MYBL1: variants seen among roughly 807,000 people sequenced by gnomAD.
The protein encoded by MYBL1 is myb-related protein A.
In MYBL1, 17 loss-of-function variants were observed where a neutral mutation model predicts 96.3. The ratio of observed to expected loss-of-function variants is 0.18; its 90% CI spans 0.12 to 0.26. The LOEUF (loss-of-function observed/expected upper bound fraction) is 0.26. Among genes scored for constraint, MYBL1 ranks in the 10% least tolerant of loss-of-function variants. The pLI, the probability that MYBL1 is intolerant of heterozygous loss-of-function variation, is 1.00. For missense variants in MYBL1, 701 were observed against 882.9 expected (o/e 0.79, Z 2.61); for synonymous variants, 282 against 292.7 (o/e 0.96, Z 0.37).
chr8:66,583,904 C>A (rs1478283598), intron 8 of MYBL1, among the ~76,000 whole-genome samples: 1 of 152,160 alleles, frequency 6.6e-6, no homozygotes, highest in Non-Finnish European at 1.5e-5. Context: ...ACTATCAATT[C>A]TTTTCCAATT....
chr8:66,592,415 T>A, intron 8 of MYBL1, 25 bp downstream of exon 8: 1 of 1,436,998 alleles, frequency 7.0e-7, no homozygotes, highest in Non-Finnish European at 9.6e-7. Context: ...ATTCTAACAA[T>A]ACAAATAACA....
At position 66,597,559 on chromosome 8, in the gene MYBL1, C is replaced by G; in HGVS notation, c.292-9G>C. The G allele has an allele frequency of 1.3e-6, 2 of 1,539,238 alleles. No individual in the cohort carries two copies. Among genetic ancestry groups the G allele is most frequent in the Non-Finnish European group, 1.8e-6 (2 of 1,129,558 alleles). ...TGAACTAATTCAATAACCTAGGAAA[C>G]AGAAAAACAAAGTTTAAAAAAGCAT... On this transcript the variant is annotated splice_polypyrimidine_tract_variant and intron_variant, in intron 4 of 15. Coordinates refer to ENST00000522677, the MANE Select transcript of MYBL1 (RefSeq NM_001080416.4).
At position 66,564,734 on chromosome 8, in the gene MYBL1, G is replaced by A. The variant is rs370740841; in HGVS notation, c.2222C>T (p.Thr741Ile). ...EQARRYLSTY[T>I]ATSSTSRALI... ...AGCTCTTGAAGTACTACTGGTAGCT[G>A]TGTAAGTACTCAGATATCTTCTTGC... Residue 741 changes from threonine (T) to isoleucine (I), a missense_variant, in exon 16 of 16, where the codon ACA becomes ATA. Thr to Ile is a moderately conservative substitution (Grantham distance 89). This residue lies in a region of MYBL1 where 137 missense variants were observed against 137.5 expected (regional missense o/e 1.00). Transcript: ENST00000522677. The A allele has an allele frequency of 2.8e-5, 45 of 1,584,522 alleles. No homozygotes were observed. In the African/African-American group the frequency reaches 4.0e-4, roughly 14 times the overall value.
chr8:66,597,240 A>G, intron 5 of MYBL1, 90 bp downstream of exon 5: 1 of 911,682 alleles, frequency 1.1e-6, no homozygotes, highest in Non-Finnish European at 1.6e-6. Context: ...TTAAAAAATA[A>G]GTCATCGGGG....
rs1808945658 is a variant in MYBL1, at chr8:66,576,324, C to A, written c.1153G>T (p.Ala385Ser). 1 of 1,613,718 alleles carries A rather than the reference C, an allele frequency of 6.2e-7. No individual in the cohort carries two copies. The highest frequency in any genetic ancestry group is 8.5e-7 in the Non-Finnish European group (1 of 1,179,762). The change falls in exon 10 of 16, where the codon GCT (alanine) becomes TCT (serine). Residue 385 changes from alanine (A) to serine (S), a missense_variant. Around this residue, in one of 5 missense-constraint regions of MYBL1, gnomAD observed 396 missense variants for 407.4 expected, o/e 0.97. Coordinates refer to ENST00000522677, the MANE Select transcript of MYBL1 (RefSeq NM_001080416.4). ...VTSFDISDAA[A>S]SPIKSTPVKL... is the part of the protein sequence containing the mutation. Reference sequence around the variant, plus strand: ...ACTGGGGTGGATTTGATAGGAGAAGCAGCAGCATCAGAAATATCAAAACTG... The same window carrying A: ...ACTGGGGTGGATTTGATAGGAGAAGAAGCAGCATCAGAAATATCAAAACTG...
intron 2 of MYBL1, among the ~76,000 whole-genome samples, chr8:66,602,071 T>G (rs1810095403): frequency 6.6e-6 from 1 of 152,000 alleles, no homozygotes; most frequent in Non-Finnish European, 1.5e-5. Flanking sequence ...GTTTTTGAGA[T>G]GGAGTCTCGC....
At chr8:66,580,425 A>G in intron 8 of MYBL1, 59 bp from the exon 9 acceptor site, 2 of 1,142,190 alleles carry the variant, frequency 1.8e-6, no homozygotes, top group Non-Finnish European at 2.5e-6. Context: ...GCATAAATTC[A>G]GATTTCAACA....
At chr8:66,575,772 AAAGT>A (rs1478473579) in intron 10 of MYBL1, among the ~76,000 whole-genome samples, 1 of 152,194 alleles carries the variant, frequency 6.6e-6, no homozygotes, top group Non-Finnish European at 1.5e-5. Flanking sequence ...CCTCGGCAAC[AAAGT>A]GAGTCCCTGT....
At chr8:66,588,892 T>C (rs965907935) in intron 8 of MYBL1, among the ~76,000 whole-genome samples, 5 of 152,190 alleles carry the variant, frequency 3.3e-5, no homozygotes, top group Non-Finnish European at 7.4e-5. Flanking sequence ...TGGTGGCACA[T>C]GCCTGTAATC....
At position 66,573,460 on chromosome 8, in the gene MYBL1, G is replaced by T; in HGVS notation, c.1517C>A (p.Pro506His). 3.1e-6 allele frequency: 5 copies of T among 1,611,272 alleles called. No individual in the cohort carries two copies. Among genetic ancestry groups the T allele is most frequent in the Non-Finnish European group, 4.2e-6 (5 of 1,178,682 alleles). ...ACAAATAGGGGTTGATGTAAATGAA[G>T]GATTTTCTATATTAAGTTGTTCATT... ...PGNEQLNIEN[P>H]SFTSTPICGQ... The change falls in exon 11 of 16, where the codon CCT (proline) becomes CAT (histidine). Residue 506 changes from proline to histidine, a missense_variant. This residue lies in a region of MYBL1 where 396 missense variants were observed against 407.4 expected (regional missense o/e 0.97). Coordinates refer to ENST00000522677, the MANE Select transcript of MYBL1 (RefSeq NM_001080416.4).
At chr8:66,591,948 G>C (rs752202952) in intron 8 of MYBL1, among the ~76,000 whole-genome samples, 11 of 151,832 alleles carry the variant, frequency 7.2e-5, no homozygotes, top group Non-Finnish European at 1.5e-4. Flanking sequence ...TGTAAATTAT[G>C]CTCAAAGAAA....
chr8:66,589,427 T>C (rs1809550209), intron 8 of MYBL1, among the ~76,000 whole-genome samples: 1 of 151,806 alleles, frequency 6.6e-6, no homozygotes. Flanking sequence ...ATCCTCTCCC[T>C]CCTCAGCCTT....
At chr8:66,599,393 C>T (rs142037269) in intron 3 of MYBL1, among the ~76,000 whole-genome samples, 1 of 152,096 alleles carries the variant, frequency 6.6e-6, no homozygotes, top group Non-Finnish European at 1.5e-5. Context: ...CTTTACACTA[C>T]ACCTTATAAT....
chr8:66,601,391 A>G (rs1810067210), intron 3 of MYBL1, among the ~76,000 whole-genome samples: 1 of 152,164 alleles, frequency 6.6e-6, no homozygotes, highest in South Asian at 2.1e-4. Flanking sequence ...ATCTCAATAT[A>G]TTTCTCACAG....
chr8:66,593,454 T>C (rs1809731723), intron 6 of MYBL1, among the ~76,000 whole-genome samples: 1 of 152,220 alleles, frequency 6.6e-6, no homozygotes, highest in Admixed American at 6.5e-5. Context: ...TTAGCCTAGA[T>C]TTATCAGCCA....
intron 8 of MYBL1, among the ~76,000 whole-genome samples, chr8:66,580,606 C>T (rs1809168031): frequency 6.6e-6 from 1 of 152,046 alleles, no homozygotes; most frequent in African/African-American, 2.4e-5. Flanking sequence ...ACATAAAGTC[C>T]AAACTCTTAG....
intron 15 of MYBL1, among the ~76,000 whole-genome samples, 167 bp downstream of exon 15, chr8:66,565,897 G>A (rs1808484503): frequency 6.6e-6 from 1 of 152,098 alleles, no homozygotes; most frequent in African/African-American, 2.4e-5. Context: ...CCTGATGAAT[G>A]AGTCGCTCAA....
intron 4 of MYBL1, 58 bp downstream of exon 4, chr8:66,598,992 T>G (rs1809960798): frequency 8.6e-7 from 1 of 1,169,404 alleles, no homozygotes; most frequent in African/African-American, 1.6e-5. Context: ...AACAACACAT[T>G]AAAAAGAAAA....
intron 3 of MYBL1, 31 bp from the exon 4 acceptor site, chr8:66,599,173 A>G: frequency 6.7e-7 from 1 of 1,494,992 alleles, no homozygotes; most frequent in Non-Finnish European, 9.0e-7. Context: ...TTGTTATTAA[A>G]CAACTGTCTT....
Sources: allele counts gnomAD v4.1 joint callset (sites outside exome capture counted in the v4.1 genomes callset), GRCh38; gene constraint gnomAD v4.1.1; regional missense constraint gnomAD v4.1.1; transcripts MANE v1.5; gene names NCBI Gene and HGNC (gene_info 2026-07-23, HGNC 2026-07-21).